Variants in MYO1H observed in about 807,000 individuals in gnomAD.
The protein encoded by MYO1H is myosin IH, also known as unconventional myosin-Ih.
Under a neutral mutation model 149.3 loss-of-function variants are expected in MYO1H, and 118 were observed. That is an observed-to-expected ratio of 0.79 (90% CI 0.68 to 0.92). MYO1H has a LOEUF of 0.92. MYO1H is among the 40% of genes least tolerant of loss of function. The probability of loss-of-function intolerance (pLI) is 0.00; values close to 1 mark genes in which losing one functional copy is unlikely to be tolerated. For synonymous variants in MYO1H, 447 were observed against 465.2 expected (o/e 0.96, Z 0.50); for missense variants, 1,212 against 1,280.7 (o/e 0.95, Z 0.82).
upstream of MYO1H, among the ~76,000 whole-genome samples, chr12:109,344,161 G>A (rs1353825873): frequency 6.6e-6 from 1 of 152,070 alleles, no homozygotes; most frequent in Non-Finnish European, 1.5e-5. Flanking sequence ...CAGAGGCAGG[G>A]TGTTATTTTC....
chr12:109,436,219 T>G (rs1592818188), intron 21 of MYO1H, among the ~76,000 whole-genome samples: 1 of 152,194 alleles, frequency 6.6e-6, no homozygotes, highest in Middle Eastern at 3.4e-3. Flanking sequence ...GACATGGAAC[T>G]GGGGGGCTTG....
chr12:109,344,789 A>G (rs926802352), upstream of MYO1H, among the ~76,000 whole-genome samples: 1 of 152,230 alleles, frequency 6.6e-6, no homozygotes, highest in Non-Finnish European at 1.5e-5. Flanking sequence ...ATGTAGATCA[A>G]TGGAATAGAA....
chr12:109,392,321 C>A (rs1293259276), intron 2 of MYO1H, among the ~76,000 whole-genome samples: 1 of 152,250 alleles, frequency 6.6e-6, no homozygotes, highest in Non-Finnish European at 1.5e-5. Context: ...GCCTCTCATG[C>A]CCCTAGCCTG....
the MYO1H span, among the ~76,000 whole-genome samples, chr12:109,319,420 G>A: frequency 2.0e-5 from 3 of 152,114 alleles, no homozygotes; most frequent in Non-Finnish European, 4.4e-5. Context: ...GGGGCTGGGG[G>A]AAGGGAAAAA....
At chr12:109,349,188 C>T (rs1005080702) in intron 1 of MYO1H, among the ~76,000 whole-genome samples, 2 of 152,154 alleles carry the variant, frequency 1.3e-5, no homozygotes, top group Non-Finnish European at 2.9e-5. Flanking sequence ...TCCTCAAGGT[C>T]GCATGTGCCT....
At position 109,433,022 on chromosome 12, in the gene MYO1H, G is replaced by C. The variant is rs1333191071; in HGVS notation, c.2063+12G>C. On this transcript the variant is annotated intron_variant, in intron 20 of 31. Transcript: ENST00000310903. ...TACAAGTTAGGCAAGTAAGTGACCA[G>C]AAGACCACCAAATGGTCTCTTCCCT... is the stretch of plus-strand genomic sequence containing the variant. 6.2e-7 allele frequency: 1 copy of C among 1,604,020 alleles called. No homozygotes were observed. The highest frequency in any genetic ancestry group is 1.3e-5 in the African/African-American group (1 of 74,702).
chr12:109,352,645 G>A (rs1237171304), intron 1 of MYO1H, among the ~76,000 whole-genome samples: 1 of 152,116 alleles, frequency 6.6e-6, no homozygotes, highest in African/African-American at 2.4e-5. Flanking sequence ...AGAAGAAATT[G>A]TACAGAAAAC....
intron 1 of MYO1H, among the ~76,000 whole-genome samples, chr12:109,382,917 T>TA (rs1392192284): frequency 1.3e-5 from 2 of 148,250 alleles, no homozygotes; most frequent in African/African-American, 2.4e-5. Context: ...TATAAATATA[T>TA]AAAAAATAAA....
chr12:109,362,887 T>C (rs1868784831), intron 1 of MYO1H, among the ~76,000 whole-genome samples: 1 of 152,230 alleles, frequency 6.6e-6, no homozygotes, highest in Non-Finnish European at 1.5e-5. Context: ...ATCAGTTTCA[T>C]TGGTTGCAAG....
intron 16 of MYO1H, among the ~76,000 whole-genome samples, chr12:109,424,511 A>T (rs893149097): frequency 7.2e-5 from 11 of 152,326 alleles, no homozygotes; most frequent in African/African-American, 2.6e-4. Flanking sequence ...TGAACCAGGG[A>T]CAATGTCGGA....
At chr12:109,342,185 C>T in the MYO1H span, among the ~76,000 whole-genome samples, 1 of 142,840 alleles carries the variant, frequency 7.0e-6, no homozygotes, top group African/African-American at 2.7e-5. Flanking sequence ...GACTCTGTCA[C>T]CCAGGCTGGA....
chr12:109,427,901 A>ATATATATATAT (rs1871427185), intron 19 of MYO1H, among the ~76,000 whole-genome samples: 1 of 46,732 alleles, frequency 2.1e-5, no homozygotes, highest in African/African-American at 7.9e-5. Flanking sequence ...AAAAAAAAAA[A>ATATATATATAT]AAAAAAAAAT....
At chr12:109,352,238 G>A (rs942984568) in intron 1 of MYO1H, among the ~76,000 whole-genome samples, 3 of 152,114 alleles carry the variant, frequency 2.0e-5, no homozygotes, top group Admixed American at 2.0e-4. Flanking sequence ...CTTTTAAACG[G>A]TATAGGAAAT....
At chr12:109,415,677 C>T (rs1449337519) in intron 15 of MYO1H, 57 bp downstream of exon 15, 4 of 1,303,464 alleles carry the variant, frequency 3.1e-6, no homozygotes, top group Non-Finnish European at 4.2e-6. Flanking sequence ...TGGTGTCTTA[C>T]AATAAGCTCC....
chr12:109,352,544 G>A (rs986905459), intron 1 of MYO1H, among the ~76,000 whole-genome samples: 8 of 152,090 alleles, frequency 5.3e-5, no homozygotes, highest in Non-Finnish European at 8.8e-5. Context: ...TGCGTGTCTC[G>A]TTATAGACAT....
chr12:109,390,146 G>A (rs1869581580), intron 2 of MYO1H, among the ~76,000 whole-genome samples: 1 of 151,808 alleles, frequency 6.6e-6, no homozygotes, highest in Admixed American at 6.6e-5. Context: ...AAACTTCTCT[G>A]CTTTGGTTCT....
At chr12:109,346,404 G>C (rs966258080), upstream of MYO1H, among the ~76,000 whole-genome samples, 50 of 152,250 alleles carry the variant, frequency 3.3e-4, no homozygotes, top group African/African-American at 1.2e-3. Context: ...GTATAAATAA[G>C]TGAATGTTAT....
chr12:109,376,766 A>G (rs1869095518), intron 1 of MYO1H, among the ~76,000 whole-genome samples: 2 of 152,246 alleles, frequency 1.3e-5, no homozygotes, highest in South Asian at 4.1e-4. Flanking sequence ...TATACAGATT[A>G]TCTTGGCTAT....
the MYO1H span, among the ~76,000 whole-genome samples, chr12:109,321,080 T>TC: frequency 6.6e-6 from 1 of 151,238 alleles, no homozygotes; most frequent in African/African-American, 2.4e-5. Context: ...AGAGCAATAC[T>TC]CCATCTTAAA....
Sources: gnomAD v4.1 joint callset for allele counts (sites outside exome capture counted in the v4.1 genomes callset) on GRCh38, gnomAD v4.1.1 for gene constraint, MANE v1.5 for transcripts, NCBI Gene and HGNC (gene_info 2026-07-23, HGNC 2026-07-21) for gene names.